OXR1: variants seen among roughly 807,000 people sequenced by gnomAD.
OXR1 encodes oxidation resistance protein 1.
A neutral mutation model predicts 104.6 loss-of-function variants in OXR1; 41 were observed. That is an observed-to-expected ratio of 0.39 (90% confidence interval 0.31 to 0.51). The LOEUF (loss-of-function observed/expected upper bound fraction) is 0.51, where lower values mean the gene tolerates loss of function less well. Among genes scored for constraint, OXR1 ranks in the 20% least tolerant of loss-of-function variants. OXR1 has a pLI of 0.77. For synonymous variants in OXR1, 348 were observed against 348.4 expected, an observed-to-expected ratio of 1.00 and a Z score of 0.01; for missense variants, 955 against 1,031.9, an observed-to-expected ratio of 0.93 and a Z score of 1.02.
Position 106,751,896 on chromosome 8 carries a change from G to C in OXR1, c.*955G>C, listed in dbSNP as rs1191722860. On this transcript the variant is annotated 3_prime_UTR_variant, in exon 17 of 17. Transcript: ENST00000517566. The stretch of plus-strand genomic sequence containing the variant: ...AAAAAAATTGTGATTTTCTTTGAGT[G>C]GTATATGTTATTAATTACCATTAGC... The C allele has an allele frequency of 6.6e-6, 1 of 152,230 alleles. No individual in the cohort carries two copies. Among genetic ancestry groups the C allele is most frequent in the Non-Finnish European group, 1.5e-5 (1 of 67,898 alleles). The allele number at this position is 152,230 out of a possible 1,614,324, so 9.4% of individuals were successfully genotyped here. A position where few individuals can be genotyped will look rare whatever the true frequency, so the allele number is the denominator to read the frequency against.
At chr8:106,315,121 A>T (rs1441221956) in intron 1 of OXR1, among the ~76,000 whole-genome samples, 1 of 151,608 alleles carries the variant, frequency 6.6e-6, no homozygotes, top group Non-Finnish European at 1.5e-5. Context: ...TTAAGTTTCC[A>T]TTTCTCCACT....
chr8:106,589,598 T>C (rs185136868), intron 3 of OXR1, among the ~76,000 whole-genome samples: 44 of 152,206 alleles, frequency 2.9e-4, no homozygotes, highest in African/African-American at 9.4e-4. Flanking sequence ...CAGCACCCAA[T>C]GTAGAAAACG....
At chr8:106,740,555 G>A in intron 14 of OXR1, 60 bp downstream of exon 14, 1 of 1,349,442 alleles carries the variant, frequency 7.4e-7, no homozygotes, top group South Asian at 1.3e-5. Context: ...GTAACTTTTA[G>A]CATATTTATT....
intron 2 of OXR1, among the ~76,000 whole-genome samples, chr8:106,411,984 A>G (rs1818474923): frequency 6.6e-6 from 1 of 152,150 alleles, no homozygotes; most frequent in African/African-American, 2.4e-5. Flanking sequence ...TCTTATCCCC[A>G]GCTTCTCAGC....
At chr8:106,719,024 G>A (rs1464085088) in intron 11 of OXR1, among the ~76,000 whole-genome samples, 6 of 152,084 alleles carry the variant, frequency 3.9e-5, no homozygotes, top group African/African-American at 7.2e-5. Context: ...TCTTGCTTTT[G>A]GGGATCTGAT....
chr8:106,663,638 G>A (rs1007430467), intron 3 of OXR1, among the ~76,000 whole-genome samples: 30 of 152,290 alleles, frequency 2.0e-4, no homozygotes, highest in African/African-American at 6.5e-4. Flanking sequence ...GATGCACAGC[G>A]GGAGGTAAGC....
intron 3 of OXR1, among the ~76,000 whole-genome samples, chr8:106,537,349 G>A (rs1031016215): frequency 3.3e-5 from 5 of 152,170 alleles, no homozygotes; most frequent in African/African-American, 1.2e-4. Flanking sequence ...GAGAGTGAGG[G>A]TGCAGTGATT....
chr8:106,346,902 G>T (rs1232565831), intron 1 of OXR1, among the ~76,000 whole-genome samples: 1 of 152,172 alleles, frequency 6.6e-6, no homozygotes, highest in African/African-American at 2.4e-5. Flanking sequence ...AATTAGCCGG[G>T]CGTGGTGGCG....
intron 7 of OXR1, among the ~76,000 whole-genome samples, chr8:106,696,910 G>A (rs1437266227): frequency 1.3e-5 from 2 of 152,190 alleles, no homozygotes; most frequent in Non-Finnish European, 2.9e-5. Flanking sequence ...CAGATGTGTG[G>A]TGAGCACAGT....
At chr8:106,356,183 T>A (rs1815960636) in intron 1 of OXR1, among the ~76,000 whole-genome samples, 1 of 152,184 alleles carries the variant, frequency 6.6e-6, no homozygotes, top group African/African-American at 2.4e-5. Flanking sequence ...CAAAGCTATC[T>A]TTTTCAATGG....
chr8:106,370,236 G>C (rs1478989721), intron 2 of OXR1, among the ~76,000 whole-genome samples: 1 of 152,138 alleles, frequency 6.6e-6, no homozygotes, highest in Non-Finnish European at 1.5e-5. Flanking sequence ...TTTGATTTTT[G>C]CAGATTGGTT....
intron 3 of OXR1, among the ~76,000 whole-genome samples, chr8:106,662,451 G>C (rs745815814): frequency 6.6e-6 from 1 of 152,154 alleles, no homozygotes; most frequent in South Asian, 2.1e-4. Context: ...AAGGAGAAGC[G>C]TTTAGAAGCC....
At chr8:106,402,002 A>C (rs968920450) in intron 2 of OXR1, among the ~76,000 whole-genome samples, 2 of 152,172 alleles carry the variant, frequency 1.3e-5, no homozygotes, top group African/African-American at 4.8e-5. Flanking sequence ...CTAAAAGCAA[A>C]CGGCTTCTGG....
chr8:106,524,592 G>A (rs1813514401), intron 3 of OXR1, among the ~76,000 whole-genome samples: 1 of 152,174 alleles, frequency 6.6e-6, no homozygotes, highest in Non-Finnish European at 1.5e-5. Context: ...ATCAATCCCT[G>A]CTGTGTGAAG....
intron 7 of OXR1, among the ~76,000 whole-genome samples, chr8:106,699,165 C>T (rs994619857): frequency 1.3e-5 from 2 of 152,088 alleles, no homozygotes; most frequent in African/African-American, 4.8e-5. Flanking sequence ...TTTGTAAATA[C>T]AAGATTTTTT....
intron 3 of OXR1, among the ~76,000 whole-genome samples, chr8:106,534,667 G>C (rs1814348628): frequency 6.6e-6 from 1 of 152,156 alleles, no homozygotes; most frequent in South Asian, 2.1e-4. Context: ...TGTTGGTCAA[G>C]TTTGTTGGTC....
At chr8:106,364,250 A>G (rs1816371320) in intron 2 of OXR1, among the ~76,000 whole-genome samples, 1 of 152,234 alleles carries the variant, frequency 6.6e-6, no homozygotes, top group Admixed American at 6.5e-5. Context: ...AATAGGAAAT[A>G]AATACATTTG....
At chr8:106,490,737 A>C (rs181687522) in intron 2 of OXR1, among the ~76,000 whole-genome samples, 421 of 152,214 alleles carry the variant, frequency 2.8e-3, no homozygotes, top group African/African-American at 9.6e-3. Flanking sequence ...GAAGATGGAA[A>C]TGTAAGTGGG....
In OXR1 at chr8:106,747,142, A is replaced by C. The variant is rs575550843; in HGVS notation, c.2486+1280A>C. The stretch of plus-strand genomic sequence containing the variant: ...AAAAGAAAAATGATGTAGTGGACTT[A>C]ATGTAGGCTTTGGAGTCCAATAGAC... On this transcript the variant is annotated intron_variant, in intron 16 of 16. Transcript: ENST00000517566. Among the ~76,000 whole-genome samples, 30 of 152,336 alleles carry C rather than the reference A, an allele frequency of 2.0e-4. No individual in the cohort carries two copies. The South Asian group carries it at 6.0e-3, about 30-fold the overall frequency.
Sources: allele counts gnomAD v4.1 joint callset (sites outside exome capture counted in the v4.1 genomes callset), GRCh38; gene constraint gnomAD v4.1.1; transcripts MANE v1.5; gene names NCBI Gene and HGNC (gene_info 2026-07-23, HGNC 2026-07-21).